B4GALNT4: variants seen among roughly 807,000 people sequenced by gnomAD.
B4GALNT4 encodes N-acetyl-beta-glucosaminyl-glycoprotein 4-beta-N-acetylgalactosaminyltransferase 1.
A neutral mutation model predicts 110.0 loss-of-function variants in B4GALNT4; 77 were observed. The ratio of observed to expected loss-of-function variants is 0.70; its 90% CI spans 0.58 to 0.85. The LOEUF (loss-of-function observed/expected upper bound fraction) is 0.85, where lower values mean the gene tolerates loss of function less well. Ranked by LOEUF, B4GALNT4 falls within the 40% of genes least tolerant of loss-of-function variation. The probability of loss-of-function intolerance (pLI) is 0.00; values close to 1 mark genes in which losing one functional copy is unlikely to be tolerated. For missense variants in B4GALNT4, 1,575 were observed against 1,506.0 expected, an observed-to-expected ratio of 1.05 and a Z score of -0.76; for synonymous variants, 785 against 655.5, an observed-to-expected ratio of 1.20 and a Z score of -3.02.
intron 14 of B4GALNT4, among the ~76,000 whole-genome samples, chr11:378,370 C>T (rs1213150443): frequency 6.6e-6 from 1 of 152,164 alleles, no homozygotes; most frequent in African/African-American, 2.4e-5. Context: ...GCACGCCTGC[C>T]CCGGCTCTAA....
chr11:378,256 T>C (rs1489752910), intron 14 of B4GALNT4, among the ~76,000 whole-genome samples: 1 of 152,144 alleles, frequency 6.6e-6, no homozygotes, highest in East Asian at 1.9e-4. Flanking sequence ...CCGGTTTGGG[T>C]GCAGACAGGT....
In B4GALNT4 at chr11:379,691, C is replaced by A; in HGVS notation, c.2478C>A (p.Phe826Leu). 1 of 1,502,078 alleles carries A rather than the reference C, an allele frequency of 6.7e-7. No individual in the cohort carries two copies. 93.0% of individuals were successfully genotyped at this position (1,502,078 alleles called of 1,614,324 possible). A position where few individuals can be genotyped will look rare whatever the true frequency, so the allele number is the denominator to read the frequency against. ...LAWRQDVMVH[F>L]IVPVKNQARW... The stretch of plus-strand genomic sequence containing the variant: ...GGCGCCAGGACGTGATGGTTCACTT[C>A]ATCGTGCCAGGTTCGCAGGGCGGGC... Residue 826 changes from phenylalanine to leucine, a missense_variant, in exon 15 of 20, where the codon TTC becomes TTA. Physicochemically the swap from Phe to Leu is conservative, Grantham distance 22. Transcript: ENST00000329962.
At position 376,485 on chromosome 11, in the gene B4GALNT4, G is replaced by C. The variant is rs1209255804; in HGVS notation, c.1362G>C (p.Pro454=). 2 of 1,577,510 alleles carry C rather than the reference G, an allele frequency of 1.3e-6. No homozygotes were observed. Among genetic ancestry groups the C allele is most frequent in the Non-Finnish European group, 1.7e-6 (2 of 1,170,478 alleles). Residue 454 remains proline, a synonymous_variant, in exon 14 of 20, where the codon CCG becomes CCC. Transcript: ENST00000329962. The part of the protein sequence containing the change: ...LDSLEPTEAA[P]PRSGPQSPAP... ...GCCTGGAGCCCACCGAGGCGGCCCC[G>C]CCCAGGAGCGGCCCCCAGTCCCCCG...
chr11:379,663 C>A lies in B4GALNT4; in HGVS notation c.2450C>A (p.Ala817Asp). The change falls in exon 15 of 20, where the codon GCC becomes GAC. Residue 817 changes from alanine (A) to aspartate (D), a missense_variant. Coordinates refer to ENST00000329962, the MANE Select transcript of B4GALNT4 (RefSeq NM_178537.5). ...RPELCRPLRLAWRQDVMVHFI... is the reference protein window; with the variant it reads ...RPELCRPLRLDWRQDVMVHFI... ...GAGCTCTGCCGGCCACTGCGCCTGG[C>A]CTGGCGCCAGGACGTGATGGTTCAC... 1 of 1,503,816 alleles carries A rather than the reference C, an allele frequency of 6.6e-7. No individual in the cohort carries two copies. The highest frequency in any genetic ancestry group is 2.3e-5 in the East Asian group (1 of 42,860). The allele number at this position is 1,503,816 out of a possible 1,614,324, so 93.2% of individuals were successfully genotyped here.
rs756387996 is a variant in B4GALNT4, at chr11:373,763, C to T, written c.718C>T (p.Arg240Trp). Residue 240 changes from arginine (R) to tryptophan (W), a missense_variant, in exon 8 of 20, where the codon CGG becomes TGG. By Grantham distance (101) the Arg-to-Trp change is moderately radical. Transcript: ENST00000329962. ...VSKPRRLMAS[R>W]RYYFELLHKQ... ...TCGTGTCCCCAGGCTCATGGCCTCC[C>T]GGAGGTACTACTTTGAGTTGCTGCA... 40 of 1,612,198 alleles carry T rather than the reference C, an allele frequency of 2.5e-5. No homozygotes were observed. Among genetic ancestry groups the T allele is most frequent in the African/African-American group, 6.7e-5 (5 of 74,894 alleles).
rs1846729593 is a variant in B4GALNT4, at chr11:375,637, A to G, written c.851-2A>G. The G allele has an allele frequency of 6.3e-7, 1 of 1,592,096 alleles. No homozygotes were observed. The highest frequency in any genetic ancestry group is 2.2e-5 in the East Asian group (1 of 44,622). ...CACTCCCTGGAACTCTTCTGCCCCC[A>G]GATGAGTCAGCCTTGAAGATGGACC... is the stretch of plus-strand genomic sequence containing the variant. On this transcript the variant is annotated splice_acceptor_variant, in intron 9 of 19. Transcript: ENST00000329962. LOFTEE classifies it high-confidence loss of function.
rs201282450 is a variant in B4GALNT4 at position 375,531 on chromosome 11, C to G, written c.850+4C>G. 3.0e-5 allele frequency: 49 copies of G among 1,610,128 alleles called. No individual in the cohort carries two copies. In the East Asian group the frequency reaches 1.0e-3, roughly 33 times the overall value. On this transcript the variant is annotated splice_donor_region_variant and intron_variant, in intron 9 of 19. Coordinates refer to ENST00000329962, the MANE Select transcript of B4GALNT4 (RefSeq NM_178537.5). ...GCTCACATCTCCCTGTACACAGGTGCGAGCGGACGCCTCTGGGGATGTGGG... is the reference window on the plus strand; with the variant it reads ...GCTCACATCTCCCTGTACACAGGTGGGAGCGGACGCCTCTGGGGATGTGGG...
rs776625364 is a variant in B4GALNT4 at position 381,733 on chromosome 11, T to A, written c.3061T>A (p.Ser1021Thr). The A allele has an allele frequency of 5.0e-6, 8 of 1,589,970 alleles. No individual in the cohort carries two copies. Among genetic ancestry groups the A allele is most frequent in the Non-Finnish European group, 6.8e-6 (8 of 1,170,542 alleles). ...RLRNFYHHYH[S>T]KRGMWSVRSR... is the part of the protein sequence containing the mutation. ...GCGGAATTTCTATCACCACTACCAC[T>A]CCAAGAGGGGCATGTGGAGCGTCCG... Residue 1021 changes from serine to threonine, a missense_variant, in exon 20 of 20, where the codon TCC becomes ACC. Coordinates refer to ENST00000329962, the MANE Select transcript of B4GALNT4 (RefSeq NM_178537.5).
At chr11:374,693 AG>A (rs772451296) in intron 8 of B4GALNT4, among the ~76,000 whole-genome samples, 60 of 2,260 alleles carry the variant, frequency 0.027, 13 homozygotes, top group Admixed American at 0.046. Flanking sequence ...TCAGGGAGGG[AG>A]GGAGGGGGAA....
Position 379,928 on chromosome 11 carries a change from A to G in B4GALNT4, c.2551A>G (p.Thr851Ala), listed in dbSNP as rs1846838121. Reference protein sequence around the residue: ...LADMAALHARTGDSRFSVVLV... With the variant: ...LADMAALHARAGDSRFSVVLV... ...GGACATGGCTGCGCTGCACGCGCGC[A>G]CCGGGGACTCGCGTTTCAGCGTCGT... The change falls in exon 16 of 20, where the codon ACC (threonine) becomes GCC (alanine). Residue 851 changes from threonine to alanine, a missense_variant. Coordinates refer to ENST00000329962, the MANE Select transcript of B4GALNT4 (RefSeq NM_178537.5). 1 of 1,611,254 alleles carries G rather than the reference A, an allele frequency of 6.2e-7. No homozygotes were observed. The highest frequency in any genetic ancestry group is 8.5e-7 in the Non-Finnish European group (1 of 1,179,782).
rs1272488630 is a variant in B4GALNT4 at position 369,967 on chromosome 11, G to A, written c.151+13G>A. ...GGCTACGGGCGAGGTACGGCGCGGG[G>A]GGCGCGGGGGGCGCGGGGGGCGGGG... On this transcript the variant is annotated intron_variant, in intron 1 of 19. Transcript: ENST00000329962. The A allele has an allele frequency of 6.8e-6, 4 of 586,986 alleles. No homozygotes were observed. The highest frequency in any genetic ancestry group is 8.4e-6 in the Non-Finnish European group (4 of 478,294). The allele number at this position is 586,986 out of a possible 1,614,324, so 36.4% of individuals were successfully genotyped here.
rs1471159372 is a variant in B4GALNT4 at position 375,453 on chromosome 11, C to A, written c.784-8C>A. 2.5e-6 allele frequency: 4 copies of A among 1,611,516 alleles called. No homozygotes were observed. The highest frequency in any genetic ancestry group is 3.4e-6 in the Non-Finnish European group (4 of 1,179,750). On this transcript the variant is annotated splice_region_variant and splice_polypyrimidine_tract_variant and intron_variant, in intron 8 of 19. Transcript: ENST00000329962. The stretch of plus-strand genomic sequence containing the variant: ...CTGTCCCTGACCCCCACCCTCTCTG[C>A]CCCGCAGTGGCGAGCTTTCCTGCCC...
chr11:372,536 G>T, intron 2 of B4GALNT4, 126 bp from the exon 3 acceptor site: 2 of 863,386 alleles, frequency 2.3e-6, no homozygotes. Context: ...GCATGGCTGG[G>T]GCTCACGGGC....
intron 2 of B4GALNT4, 49 bp from the exon 3 acceptor site, chr11:372,610 ACCT>A: frequency 4.9e-6 from 7 of 1,440,664 alleles, no homozygotes; most frequent in Non-Finnish European, 6.8e-6. Context: ...GGTGTGTGTG[ACCT>A]CCTCCCTGCC....
chr11:379,859 C>T lies in B4GALNT4; in HGVS notation c.2489-7C>T, dbSNP rs771387277. On this transcript the variant is annotated splice_region_variant and splice_polypyrimidine_tract_variant and intron_variant, in intron 15 of 19. Coordinates refer to ENST00000329962, the MANE Select transcript of B4GALNT4 (RefSeq NM_178537.5). ...GCTCAGCGCCCCCCCCGCCTTTTCT[C>T]CTCCAGTGAAAAACCAGGCACGGTG... 3.8e-6 allele frequency: 6 copies of T among 1,583,964 alleles called. No individual in the cohort carries two copies. Among genetic ancestry groups the T allele is most frequent in the South Asian group, 3.4e-5 (3 of 88,630 alleles).
intron 1 of B4GALNT4, among the ~76,000 whole-genome samples, chr11:371,868 C>T (rs1265773352): frequency 3.3e-5 from 5 of 152,240 alleles, no homozygotes; most frequent in African/African-American, 1.2e-4. Context: ...GAAGAGCCTG[C>T]TGGAAGGCTC....
In B4GALNT4 at chr11:376,751, C is replaced by T. The variant is rs1846764790; in HGVS notation, c.1628C>T (p.Pro543Leu). The change falls in exon 14 of 20, where the codon CCG becomes CTG. Residue 543 changes from proline to leucine, a missense_variant. Pro to Leu is a moderately conservative substitution (Grantham distance 98). Transcript: ENST00000329962. ...GQRASPRAPA[P>L]RAPWPPFPGV... ...CGGGCATCCCCCCGGGCCCCAGCGC[C>T]GCGTGCGCCCTGGCCGCCCTTCCCT... 3.6e-6 allele frequency: 5 copies of T among 1,390,048 alleles called. No individual in the cohort carries two copies. Among genetic ancestry groups the T allele is most frequent in the East Asian group, 3.3e-5 (1 of 30,556 alleles). The allele number at this position is 1,390,048 out of a possible 1,614,324, so 86.1% of individuals were successfully genotyped here. A position where few individuals can be genotyped will look rare whatever the true frequency, so the allele number is the denominator to read the frequency against.
In B4GALNT4 at chr11:376,935, G is replaced by C. The variant is rs1328507036; in HGVS notation, c.1812G>C (p.Ala604=). 3.5e-6 allele frequency: 5 copies of C among 1,426,298 alleles called. No homozygotes were observed. The African/African-American group carries it at 6.1e-5, about 17-fold the overall frequency. The allele number at this position is 1,426,298 out of a possible 1,614,324, so 88.4% of individuals were successfully genotyped here. The change falls in exon 14 of 20, where the codon GCG becomes GCC. Residue 604 remains alanine, a synonymous_variant. Transcript: ENST00000329962. The part of the protein sequence containing the change: ...QATQGGREGQ[A]RTLGPAAPTV... Reference sequence around the variant, plus strand: ...CCCAAGGGGGCCGGGAGGGCCAGGCGCGCACGCTGGGACCTGCGGCGCCCA... The same window carrying C: ...CCCAAGGGGGCCGGGAGGGCCAGGCCCGCACGCTGGGACCTGCGGCGCCCA...
In B4GALNT4 at chr11:379,704, T is replaced by G; in HGVS notation, c.2488+3T>G. 6.7e-7 allele frequency: 1 copy of G among 1,501,814 alleles called. No individual in the cohort carries two copies. Among genetic ancestry groups the G allele is most frequent in the Non-Finnish European group, 8.9e-7 (1 of 1,128,036 alleles). The allele number at this position is 1,501,814 out of a possible 1,614,324, so 93.0% of individuals were successfully genotyped here. A position where few individuals can be genotyped will look rare whatever the true frequency, so the allele number is the denominator to read the frequency against. On this transcript the variant is annotated splice_donor_region_variant and intron_variant, in intron 15 of 19. Transcript: ENST00000329962. ...GATGGTTCACTTCATCGTGCCAGGT[T>G]CGCAGGGCGGGCTCGGGGTGTCCGG... is the stretch of plus-strand genomic sequence containing the variant.
Sources: allele counts gnomAD v4.1 joint callset (sites outside exome capture counted in the v4.1 genomes callset), GRCh38; gene constraint gnomAD v4.1.1; transcripts MANE v1.5; gene names NCBI Gene and HGNC (gene_info 2026-07-23, HGNC 2026-07-21).